The following CFAP47 variants were observed in gnomAD, a reference collection of about 807,000 sequenced individuals.
The protein encoded by CFAP47 is cilia and flagella associated protein 47.
In CFAP47, 29 loss-of-function variants were observed where a neutral mutation model predicts 148.1. The ratio of observed to expected loss-of-function variants is 0.20; its 90% CI spans 0.15 to 0.27. The LOEUF (loss-of-function observed/expected upper bound fraction) is 0.27. Among genes scored for constraint, CFAP47 ranks in the 10% least tolerant of loss-of-function variants. The probability of loss-of-function intolerance (pLI) is 1.00; values close to 1 mark genes in which losing one functional copy is unlikely to be tolerated. For synonymous variants in CFAP47, 664 were observed against 577.3 expected, an observed-to-expected ratio of 1.15 and a Z score of -2.15; for missense variants, 1,872 against 1,697.5, an observed-to-expected ratio of 1.10 and a Z score of -1.81.
At chrX:35,997,813 A>G (rs945737887) in intron 19 of CFAP47, among the ~76,000 whole-genome samples, 5 of 111,813 alleles carry the variant, frequency 4.5e-5, no homozygotes, top group Non-Finnish European at 7.6e-5. Context: ...TTTTACTTAA[A>G]TATTGTGTTT....
At position 36,353,647 on chromosome X, in the gene CFAP47, A is replaced by G. The variant is rs1349845921; in HGVS notation, c.8817A>G (p.Lys2939=). ...TGACAGAAGTTTTAGTGATTCCAAAAAGAAATTCACATAATTTTTGTGAGG... is the reference window on the plus strand; with the variant it reads ...TGACAGAAGTTTTAGTGATTCCAAAGAGAAATTCACATAATTTTTGTGAGG... ...PDLTEVLVIP[K]RNSHNFCEDP... is the part of the protein sequence containing the mutation. The change falls in exon 60 of 64, where the codon AAA becomes AAG. Residue 2939 remains lysine (K), a synonymous_variant. Coordinates refer to ENST00000378653, the MANE Select transcript of CFAP47 (RefSeq NM_001304548.2). 1 of 1,160,942 alleles carries G rather than the reference A, an allele frequency of 8.6e-7. No individual in the cohort carries two copies. The highest frequency in any genetic ancestry group is 1.2e-6 in the Non-Finnish European group (1 of 868,974).
intron 3 of CFAP47, 117 bp from the exon 4 acceptor site, chrX:35,948,197 G>C: frequency 1.7e-6 from 1 of 580,532 alleles, no homozygotes. Flanking sequence ...TGTGGCCCAT[G>C]GGCCATGGGT....
intron 50 of CFAP47, among the ~76,000 whole-genome samples, chrX:36,283,299 C>T (rs960906332): frequency 9.0e-6 from 1 of 111,387 alleles, no homozygotes; most frequent in Admixed American, 9.6e-5. Context: ...TTGTTGTTTT[C>T]ATCAATAAAT....
At chrX:36,166,603 G>A (rs1162873617) in intron 39 of CFAP47, among the ~76,000 whole-genome samples, 1 of 110,670 alleles carries the variant, frequency 9.0e-6, no homozygotes, top group East Asian at 2.8e-4. Context: ...CTGATACCTG[G>A]GTTACTCTAA....
rs755201291 is a variant in CFAP47 at position 35,959,878 on chromosome X, C to CAAAAAAA, written c.1410+3699_1410+3705dup. Among the ~76,000 whole-genome samples the CAAAAAAA allele has an allele frequency of 8.2e-4, 25 of 30,397 alleles. 1 individual carries two copies. The highest frequency in any genetic ancestry group is 2.9e-3 in the African/African-American group (24 of 8,159). 26.4% of individuals were successfully genotyped at this position (30,397 alleles called of 115,157 possible). A position where few individuals can be genotyped will look rare whatever the true frequency, so the allele number is the denominator to read the frequency against. On this transcript the variant is annotated intron_variant, in intron 8 of 63. Transcript: ENST00000378653. ...TGGGTGACAGAGTGAGACTCCGTCT[C>CAAAAAAA]AAAAAAAAAAAAAAAAAAAAAAACT...
chrX:36,301,560 C>A (rs1556007856), intron 53 of CFAP47, among the ~76,000 whole-genome samples: 2 of 110,128 alleles, frequency 1.8e-5, no homozygotes, highest in Non-Finnish European at 3.8e-5. Flanking sequence ...GAAAGCTGGA[C>A]AAGCAAGGGA....
At chrX:36,144,967 C>T in intron 35 of CFAP47, 1 of 615,297 alleles carries the variant, frequency 1.6e-6, no homozygotes, top group South Asian at 3.2e-5. Flanking sequence ...CTGGGAGCCC[C>T]TATTGGCTTC....
intron 13 of CFAP47, among the ~76,000 whole-genome samples, chrX:35,973,104 T>G (rs780045573): frequency 4.1e-4 from 46 of 112,547 alleles, no homozygotes; most frequent in Non-Finnish European, 8.3e-4. Context: ...ATGTTGAATA[T>G]ATTTTCATGT....
intron 57 of CFAP47, among the ~76,000 whole-genome samples, chrX:36,333,675 G>A (rs1345473989): frequency 1.8e-5 from 2 of 111,040 alleles, no homozygotes; most frequent in African/African-American, 3.3e-5. Flanking sequence ...TTAGCCATGC[G>A]TATGTTCAGA....
At chrX:36,088,520 C>G (rs1246563596) in intron 30 of CFAP47, among the ~76,000 whole-genome samples, 1 of 111,091 alleles carries the variant, frequency 9.0e-6, no homozygotes, top group Non-Finnish European at 1.9e-5. Flanking sequence ...TCTTCTCTCT[C>G]TCTCTCTCTC....
At chrX:36,148,893 C>CTGTGTGTG (rs1555980437) in intron 36 of CFAP47, among the ~76,000 whole-genome samples, 1 of 84,832 alleles carries the variant, frequency 1.2e-5, no homozygotes, top group African/African-American at 7.2e-5. Context: ...TTCAGCTAAA[C>CTGTGTGTG]TGTATGTATG....
intron 22 of CFAP47, among the ~76,000 whole-genome samples, chrX:36,021,594 C>T (rs1034393361): frequency 1.6e-4 from 18 of 111,194 alleles, no homozygotes; most frequent in Non-Finnish European, 2.8e-4. Flanking sequence ...TGGTTTGCTG[C>T]ACCCATCAAC....
At chrX:36,325,362 G>A (rs782327307) in intron 57 of CFAP47, among the ~76,000 whole-genome samples, 14 of 111,658 alleles carry the variant, frequency 1.3e-4, no homozygotes, top group Non-Finnish European at 2.1e-4. Context: ...CAGACAGTAC[G>A]TGCTGGAACT....
chrX:36,260,761 A>G (rs994473813), intron 49 of CFAP47, among the ~76,000 whole-genome samples: 2 of 111,915 alleles, frequency 1.8e-5, no homozygotes, highest in Non-Finnish European at 3.8e-5. Flanking sequence ...GGTATATTCA[A>G]CAAGACATCT....
intron 29 of CFAP47, among the ~76,000 whole-genome samples, chrX:36,073,766 T>C (rs1299768040): frequency 1.8e-5 from 2 of 111,595 alleles, no homozygotes; most frequent in Non-Finnish European, 3.8e-5. Flanking sequence ...TTGACTTGAT[T>C]TCCTCTTTTA....
intron 61 of CFAP47, among the ~76,000 whole-genome samples, chrX:36,366,150 G>C (rs1364998979): frequency 9.0e-6 from 1 of 111,685 alleles, no homozygotes; most frequent in Non-Finnish European, 1.9e-5. Context: ...AGAAGAGTAA[G>C]AGTTCCCAGA....
chrX:36,274,769 G>A (rs374533185), intron 49 of CFAP47, among the ~76,000 whole-genome samples: 73 of 111,732 alleles, frequency 6.5e-4, no homozygotes, highest in African/African-American at 2.3e-3. Context: ...TCTGTATACA[G>A]CATGTCATAT....
chrX:36,022,618 T>G (rs1389381657), intron 22 of CFAP47, among the ~76,000 whole-genome samples: 6 of 111,609 alleles, frequency 5.4e-5, no homozygotes. Flanking sequence ...TTTGTCCTTC[T>G]GAGGCTATTT....
chrX:36,141,942 C>T (rs1043311872), intron 35 of CFAP47, among the ~76,000 whole-genome samples: 22 of 110,912 alleles, frequency 2.0e-4, no homozygotes, highest in Non-Finnish European at 1.1e-4. Context: ...CCTTTCCCAG[C>T]GGCCCCATGG....
Sources: allele counts gnomAD v4.1 joint callset (sites outside exome capture counted in the v4.1 genomes callset), GRCh38; gene constraint gnomAD v4.1.1; transcripts MANE v1.5; gene names NCBI Gene and HGNC (gene_info 2026-07-23, HGNC 2026-07-21).